CNTN6: variants seen among roughly 807,000 people sequenced by gnomAD.
CNTN6 encodes contactin-6.
A neutral mutation model predicts 122.8 loss-of-function variants in CNTN6; 137 were observed. That is an observed-to-expected ratio of 1.12 (90% CI 0.97 to 1.29). The LOEUF is 1.29. Ranked by LOEUF, CNTN6 falls within the 50% of genes most tolerant of loss-of-function variation. The probability of loss-of-function intolerance (pLI) is 0.00; values close to 1 mark genes in which losing one functional copy is unlikely to be tolerated. For missense variants in CNTN6, 1,634 were observed against 1,223.4 expected, an observed-to-expected ratio of 1.34 and a Z score of -5.01; for synonymous variants, 570 against 426.0, an observed-to-expected ratio of 1.34 and a Z score of -4.16.
intron 4 of CNTN6, among the ~76,000 whole-genome samples, chr3:1,246,247 G>A (rs1045878008): frequency 6.6e-6 from 1 of 151,998 alleles, no homozygotes; most frequent in African/African-American, 2.4e-5. Context: ...CTTGACTTGT[G>A]AATTTGTAAT....
intron 17 of CNTN6, among the ~76,000 whole-genome samples, chr3:1,381,021 A>G (rs1160643030): frequency 6.6e-6 from 1 of 152,176 alleles, no homozygotes; most frequent in Non-Finnish European, 1.5e-5. Context: ...AATAAAGGGA[A>G]GTATCTAAAT....
intron 6 of CNTN6, among the ~76,000 whole-genome samples, chr3:1,297,522 T>C (rs1696455322): frequency 6.6e-6 from 1 of 152,162 alleles, no homozygotes; most frequent in Non-Finnish European, 1.5e-5. Context: ...TTTATCTCAA[T>C]TAATGTGATG....
chr3:1,388,254 C>G (rs1199462238), intron 20 of CNTN6, among the ~76,000 whole-genome samples: 5 of 149,182 alleles, frequency 3.4e-5, no homozygotes, highest in Non-Finnish European at 7.5e-5. Flanking sequence ...GTCCCTGACC[C>G]CTGACCCCCG....
At chr3:1,379,037 G>A (rs1460456039) in intron 17 of CNTN6, among the ~76,000 whole-genome samples, 1 of 152,090 alleles carries the variant, frequency 6.6e-6, no homozygotes, top group Non-Finnish European at 1.5e-5. Context: ...ATAGTGTACA[G>A]GAAGTTTTGC....
chr3:1,355,827 T>C (rs1369145191), intron 12 of CNTN6, among the ~76,000 whole-genome samples: 1 of 151,718 alleles, frequency 6.6e-6, no homozygotes, highest in African/African-American at 2.4e-5. Flanking sequence ...GAAAAGATAA[T>C]AGTTACAAGA....
At chr3:1,134,842 G>A (rs1471739881) in intron 1 of CNTN6, among the ~76,000 whole-genome samples, 3 of 152,156 alleles carry the variant, frequency 2.0e-5, no homozygotes, top group African/African-American at 7.2e-5. Context: ...AGGTGGCAAT[G>A]TCTGCTGTTA....
chr3:1,182,642 TATAC>T (rs1340535100), intron 2 of CNTN6, among the ~76,000 whole-genome samples: 4 of 151,996 alleles, frequency 2.6e-5, no homozygotes, highest in African/African-American at 9.7e-5. Context: ...ATGTAACTCA[TATAC>T]AAAGTACGCC....
chr3:1,330,050 A>T, intron 11 of CNTN6, 115 bp downstream of exon 11: 1 of 662,518 alleles, frequency 1.5e-6, no homozygotes, highest in Non-Finnish European at 2.3e-6. Context: ...TCTCATTGGC[A>T]TACCTAGAGA....
At chr3:1,216,235 A>T (rs1205865414) in intron 2 of CNTN6, among the ~76,000 whole-genome samples, 1 of 152,036 alleles carries the variant, frequency 6.6e-6, no homozygotes, top group African/African-American at 2.4e-5. Context: ...CCATCTGTGT[A>T]CATACAAATC....
chr3:1,347,432 G>T (rs985579166), intron 11 of CNTN6, among the ~76,000 whole-genome samples: 1 of 152,072 alleles, frequency 6.6e-6, no homozygotes, highest in African/African-American at 2.4e-5. Context: ...GAGAGAAATG[G>T]CGTTATCACT....
intron 1 of CNTN6, among the ~76,000 whole-genome samples, chr3:1,138,369 C>A (rs2125127831): frequency 6.6e-6 from 1 of 151,450 alleles, no homozygotes; most frequent in South Asian, 2.1e-4. Flanking sequence ...TTTTTCCAAA[C>A]TTGAATTGAA....
intron 5 of CNTN6, among the ~76,000 whole-genome samples, chr3:1,281,385 C>T (rs763380915): frequency 6.6e-5 from 10 of 151,678 alleles, no homozygotes; most frequent in African/African-American, 9.7e-5. Flanking sequence ...TTTTAAATCT[C>T]GTGTGTAAGT....
At chr3:1,298,826 A>G (rs1696724334) in intron 7 of CNTN6, among the ~76,000 whole-genome samples, 1 of 152,310 alleles carries the variant, frequency 6.6e-6, no homozygotes, top group Non-Finnish European at 1.5e-5. Flanking sequence ...TCTTGTAAAC[A>G]GAACATACTT....
chr3:1,199,175 C>CT (rs58536354), intron 2 of CNTN6, among the ~76,000 whole-genome samples: 30,439 of 124,012 alleles, frequency 0.25, 4,579 homozygotes, highest in African/African-American at 0.38. Context: ...ACAATATATG[C>CT]TTTTTTTTTT....
At chr3:1,224,461 A>T (rs754582284) in intron 3 of CNTN6, among the ~76,000 whole-genome samples, 1 of 152,180 alleles carries the variant, frequency 6.6e-6, no homozygotes, top group African/African-American at 2.4e-5. Context: ...TTTTGAGGTA[A>T]TGAATATGCT....
chr3:1,385,363 T>G (rs1398069362), intron 19 of CNTN6, among the ~76,000 whole-genome samples: 1 of 152,208 alleles, frequency 6.6e-6, no homozygotes, highest in Admixed American at 6.5e-5. Flanking sequence ...ATACTTTATT[T>G]TGGTAATCTA....
At chr3:1,223,251 C>A (rs1037933747) in intron 3 of CNTN6, among the ~76,000 whole-genome samples, 3 of 152,144 alleles carry the variant, frequency 2.0e-5, no homozygotes, top group African/African-American at 7.2e-5. Flanking sequence ...TTTCTAGTCA[C>A]AGCTCTATCA....
chr3:1,186,481 C>T (rs544499884), intron 2 of CNTN6, among the ~76,000 whole-genome samples: 6 of 152,166 alleles, frequency 3.9e-5, no homozygotes, highest in African/African-American at 9.6e-5. Flanking sequence ...AAATATTGGG[C>T]CTTACAGATT....
intron 1 of CNTN6, among the ~76,000 whole-genome samples, chr3:1,114,511 T>C (rs546046494): frequency 6.6e-6 from 1 of 152,318 alleles, no homozygotes; most frequent in African/African-American, 2.4e-5. Context: ...CCTATGTGGA[T>C]ACAAATTTAA....
Sources: gnomAD v4.1 joint callset for allele counts (sites outside exome capture counted in the v4.1 genomes callset) on GRCh38, gnomAD v4.1.1 for gene constraint, MANE v1.5 for transcripts, NCBI Gene and HGNC (gene_info 2026-07-23, HGNC 2026-07-21) for gene names.